The following DTNA variants were observed in gnomAD, a reference collection of about 807,000 sequenced individuals.
DTNA encodes the protein dystrobrevin alpha, also known as dystrophin-related protein 3.
In DTNA, 43 loss-of-function variants were observed where a neutral mutation model predicts 100.7. The observed-to-expected ratio is 0.43, with a 90% CI of 0.33 to 0.55. DTNA has a LOEUF of 0.55. DTNA is among the 20% of genes least tolerant of loss of function. The probability of loss-of-function intolerance (pLI) is 0.04; values close to 1 mark genes in which losing one functional copy is unlikely to be tolerated. For synonymous variants in DTNA, 349 were observed against 347.9 expected, an observed-to-expected ratio of 1.00 and a Z score of -0.04; for missense variants, 798 against 953.9, an observed-to-expected ratio of 0.84 and a Z score of 2.15.
chr18:34,876,063 G>A (rs1237748981), intron 18 of DTNA, among the ~76,000 whole-genome samples: 4 of 152,058 alleles, frequency 2.6e-5, no homozygotes, highest in African/African-American at 9.7e-5. Flanking sequence ...TCATTCTGTA[G>A]ACCTTCACCG....
intron 16 of DTNA, among the ~76,000 whole-genome samples, chr18:34,862,691 T>G (rs571482486): frequency 6.6e-6 from 1 of 152,200 alleles, no homozygotes; most frequent in East Asian, 1.9e-4. Flanking sequence ...TATCAGCTAC[T>G]CATGAGGCTG....
chr18:34,866,561 C>T, intron 17 of DTNA: 1 of 1,038,070 alleles, frequency 9.6e-7, no homozygotes, highest in Non-Finnish European at 1.2e-6. Flanking sequence ...CACCCACTCA[C>T]ACTGTGAGTA....
chr18:34,556,577 A>G (rs564606727), intron 1 of DTNA, among the ~76,000 whole-genome samples: 6 of 151,900 alleles, frequency 3.9e-5, no homozygotes, highest in African/African-American at 1.2e-4. Flanking sequence ...TGGTGACAAA[A>G]TCTGTCAGCA....
chr18:34,830,461 C>A (rs2095978830), intron 11 of DTNA, among the ~76,000 whole-genome samples: 1 of 152,184 alleles, frequency 6.6e-6, no homozygotes, highest in Admixed American at 6.6e-5. Context: ...TCAAAAGACA[C>A]AGGGATATAA....
At chr18:34,837,398 T>C (rs984815209) in intron 11 of DTNA, among the ~76,000 whole-genome samples, 3 of 152,212 alleles carry the variant, frequency 2.0e-5, no homozygotes, top group Non-Finnish European at 2.9e-5. Context: ...TAAAACTATA[T>C]TTTAAACTTT....
chr18:34,512,776 C>A (rs968197002), intron 1 of DTNA, among the ~76,000 whole-genome samples: 11 of 151,944 alleles, frequency 7.2e-5, no homozygotes, highest in African/African-American at 2.7e-4. Context: ...CAGAAAACAA[C>A]CCTTTCCAAT....
intron 1 of DTNA, among the ~76,000 whole-genome samples, chr18:34,680,269 C>T (rs1426413234): frequency 6.6e-6 from 1 of 152,028 alleles, no homozygotes; most frequent in Admixed American, 6.6e-5. Flanking sequence ...ATGTCATCAC[C>T]CTTCCATGTC....
intron 1 of DTNA, among the ~76,000 whole-genome samples, chr18:34,585,148 A>C (rs1300592809): frequency 6.6e-6 from 1 of 152,182 alleles, no homozygotes; most frequent in Non-Finnish European, 1.5e-5. Context: ...TCGAGAAAGA[A>C]AAACAAAGAA....
intron 1 of DTNA, among the ~76,000 whole-genome samples, chr18:34,726,915 A>G (rs1409828432): frequency 6.6e-6 from 1 of 152,228 alleles, no homozygotes; most frequent in East Asian, 1.9e-4. Flanking sequence ...CTAGGAAAGT[A>G]TCTTTGTGGA....
At chr18:34,627,517 A>G (rs930507034) in intron 1 of DTNA, among the ~76,000 whole-genome samples, 8 of 152,184 alleles carry the variant, frequency 5.3e-5, no homozygotes, top group Non-Finnish European at 1.0e-4. Context: ...TCAAGATATT[A>G]AGTTTAGGTT....
At chr18:34,790,567 A>ATATATATATATATATATATATTTT (rs2094687460) in intron 3 of DTNA, among the ~76,000 whole-genome samples, 2 of 39,654 alleles carry the variant, frequency 5.0e-5, no homozygotes, top group African/African-American at 1.8e-4. Flanking sequence ...ATATATATAT[A>ATATATATATATATATATATATTTT]TTTTTTTTTT....
chr18:34,733,524 C>G (rs555438018), intron 1 of DTNA, among the ~76,000 whole-genome samples: 4 of 152,072 alleles, frequency 2.6e-5, no homozygotes, highest in African/African-American at 7.2e-5. Flanking sequence ...CAACTTGGAC[C>G]CTGCCACCTT....
At chr18:34,771,769 C>T (rs990292948) in intron 3 of DTNA, among the ~76,000 whole-genome samples, 1 of 152,166 alleles carries the variant, frequency 6.6e-6, no homozygotes, top group Non-Finnish European at 1.5e-5. Context: ...CAGTAGTCTT[C>T]TCTTCAGCTT....
chr18:34,812,100 G>C lies in DTNA; in HGVS notation c.590G>C (p.Cys197Ser). 5.6e-6 allele frequency: 9 copies of C among 1,614,022 alleles called. No individual in the cohort carries two copies. In the Middle Eastern group the frequency reaches 1.2e-3, roughly 207 times the overall value. Residue 197 changes from cysteine (C) to serine (S), a missense_variant, in exon 6 of 23, where the codon TGT becomes TCT. Physicochemically the swap from Cys to Ser is moderately radical, Grantham distance 112. Transcript: ENST00000444659. Reference sequence around the variant, plus strand: ...TACACAGAACAGTCAGCCAGATCCTGTTTCTCCCAACAGGTAGGAGAAAAA... The same window carrying C: ...TACACAGAACAGTCAGCCAGATCCTCTTTCTCCCAACAGGTAGGAGAAAAA... Reference protein sequence around the residue: ...FGYTEQSARSCFSQQKKVTLN... With the variant: ...FGYTEQSARSSFSQQKKVTLN...
At chr18:34,621,204 A>G (rs2056432532) in intron 1 of DTNA, among the ~76,000 whole-genome samples, 1 of 148,614 alleles carries the variant, frequency 6.7e-6, no homozygotes, top group Non-Finnish European at 1.5e-5. Flanking sequence ...TATGTAATAT[A>G]TGTACATATT....
intron 1 of DTNA, among the ~76,000 whole-genome samples, chr18:34,543,504 A>G (rs1446024639): frequency 1.3e-5 from 2 of 152,092 alleles, no homozygotes; most frequent in Non-Finnish European, 2.9e-5. Flanking sequence ...TTTGCCTTAT[A>G]GATTAATACA....
chr18:34,713,454 G>A (rs998419636), intron 1 of DTNA, among the ~76,000 whole-genome samples: 8 of 152,032 alleles, frequency 5.3e-5, no homozygotes, highest in Admixed American at 1.3e-4. Flanking sequence ...GATATGCAGC[G>A]TTATTTCTGA....
chr18:34,581,614 C>G (rs1451371669), intron 1 of DTNA, among the ~76,000 whole-genome samples: 1 of 139,178 alleles, frequency 7.2e-6, no homozygotes, highest in Non-Finnish European at 1.5e-5. Flanking sequence ...AGGCATGCCC[C>G]TAGTTAGTTT....
At chr18:34,608,587 T>C (rs939308529) in intron 1 of DTNA, among the ~76,000 whole-genome samples, 2 of 152,112 alleles carry the variant, frequency 1.3e-5, no homozygotes, top group Admixed American at 6.5e-5. Context: ...CCCAAATTGC[T>C]TCAATCATGC....
Sources: allele counts gnomAD v4.1 joint callset (sites outside exome capture counted in the v4.1 genomes callset), GRCh38; gene constraint gnomAD v4.1.1; transcripts MANE v1.5; gene names NCBI Gene and HGNC (gene_info 2026-07-23, HGNC 2026-07-21).